The following RNF180 variants were observed in gnomAD, a reference collection of about 807,000 sequenced individuals.
RNF180 encodes the protein ring finger protein 180.
RNF180 carries 38 observed loss-of-function variants against 59.2 expected under a neutral mutation model. The ratio of observed to expected loss-of-function variants is 0.64; its 90% CI spans 0.50 to 0.84. The LOEUF is 0.84. Among genes scored for constraint, RNF180 ranks in the 40% least tolerant of loss-of-function variants. RNF180 has a pLI of 0.00. For synonymous variants in RNF180, 262 were observed against 240.3 expected (o/e 1.09, Z -0.84); for missense variants, 705 against 700.9 (o/e 1.01, Z -0.07).
chr5:64,288,077 T>C (rs1336900594), intron 5 of RNF180, among the ~76,000 whole-genome samples: 1 of 152,226 alleles, frequency 6.6e-6, no homozygotes, highest in East Asian at 1.9e-4. Context: ...TTAATTTTTG[T>C]ATAAAGTGTA....
chr5:64,217,385 C>T lies in RNF180; in HGVS notation c.1216C>T (p.Leu406=), dbSNP rs545259022. ...KQGKYSGVGL[L]DHMTLNNEMS... is the part of the protein sequence containing the mutation. ...GGGTAAATACTCAGGAGTGGGATTG[C>T]TGGATCATATGGTAAGTATATATTT... is the stretch of plus-strand genomic sequence containing the variant. The change falls in exon 5 of 8, where the codon CTG becomes TTG. Residue 406 remains leucine, a synonymous_variant. Transcript: ENST00000389100. 1.8e-4 allele frequency: 260 copies of T among 1,419,250 alleles called. 2 individuals are homozygous for T. The South Asian group carries it at 3.5e-3, about 19-fold the overall frequency. 87.9% of individuals were successfully genotyped at this position (1,419,250 alleles called of 1,614,324 possible).
At chr5:64,354,330 A>G (rs1001973200) in intron 7 of RNF180, among the ~76,000 whole-genome samples, 38 of 151,884 alleles carry the variant, frequency 2.5e-4, no homozygotes, top group African/African-American at 7.7e-4. Flanking sequence ...GCAATTATAT[A>G]CCAAAACTTA....
chr5:64,328,935 G>C (rs1487859135), intron 6 of RNF180, among the ~76,000 whole-genome samples: 1 of 152,146 alleles, frequency 6.6e-6, no homozygotes, highest in Non-Finnish European at 1.5e-5. Flanking sequence ...CTCTGCACCA[G>C]CCTAAGAGGT....
chr5:64,302,665 G>A (rs947860957), intron 5 of RNF180, among the ~76,000 whole-genome samples: 16 of 151,516 alleles, frequency 1.1e-4, no homozygotes, highest in Admixed American at 7.3e-4. Flanking sequence ...AAGCTATTTT[G>A]AAGATAGTTA....
At chr5:64,339,010 AAGTTT>A (rs1745247086) in intron 7 of RNF180, among the ~76,000 whole-genome samples, 1 of 151,758 alleles carries the variant, frequency 6.6e-6, no homozygotes, top group African/African-American at 2.4e-5. Flanking sequence ...ATTTCTTCCT[AAGTTT>A]ATATATCTTT....
rs183784160 is a variant in RNF180 at position 64,245,688 on chromosome 5, A to G, written c.1227+28292A>G. 1.6e-3 allele frequency among the ~76,000 whole-genome samples: 250 copies of G among 152,208 alleles called. 6 individuals are homozygous for G. The highest frequency in any genetic ancestry group is 0.016 in the Admixed American group (248 of 15,276). On this transcript the variant is annotated intron_variant, in intron 5 of 7. Coordinates refer to ENST00000389100, the MANE Select transcript of RNF180 (RefSeq NM_001113561.2). ...TAGAGGGAGACTTTAACACCCCACT[A>G]TCAATATTACACAGATCAACGAGAC...
chr5:64,187,677 C>G, intron 1 of RNF180, among the ~76,000 whole-genome samples: 1 of 152,136 alleles, frequency 6.6e-6, no homozygotes, highest in Non-Finnish European at 1.5e-5. Flanking sequence ...TATCTGATAT[C>G]TTTCACAAAG....
chr5:64,352,929 T>A (rs1417315532), intron 7 of RNF180, among the ~76,000 whole-genome samples: 1 of 151,946 alleles, frequency 6.6e-6, no homozygotes, highest in Non-Finnish European at 1.5e-5. Flanking sequence ...CTTCTTTTTT[T>A]ATTTTTAATC....
rs1193832420 is a variant in RNF180 at position 64,369,842 on chromosome 5, A to G, written c.*28A>G. ...ATTTCATACCTTACTACAATTGACC[A>G]ATCATAAATGATGTAAATAACAATT... is the stretch of plus-strand genomic sequence containing the variant. On this transcript the variant is annotated 3_prime_UTR_variant, in exon 8 of 8. Coordinates refer to ENST00000389100, the MANE Select transcript of RNF180 (RefSeq NM_001113561.2). The G allele has an allele frequency of 1.6e-6, 2 of 1,214,694 alleles. No homozygotes were observed. The highest frequency in any genetic ancestry group is 3.4e-5 in the Admixed American group (1 of 28,992). The allele number at this position is 1,214,694 out of a possible 1,614,324, so 75.2% of individuals were successfully genotyped here.
At chr5:64,300,344 C>T (rs1743095864) in intron 5 of RNF180, among the ~76,000 whole-genome samples, 1 of 151,782 alleles carries the variant, frequency 6.6e-6, no homozygotes, top group African/African-American at 2.4e-5. Flanking sequence ...CAGTTCCTGA[C>T]TTAACGATGG....
chr5:64,263,900 T>G (rs534243553), intron 5 of RNF180, among the ~76,000 whole-genome samples: 3 of 152,334 alleles, frequency 2.0e-5, no homozygotes, highest in African/African-American at 7.2e-5. Flanking sequence ...CTTAGTGTTT[T>G]GGGCTAATGT....
chr5:64,198,720 A>G, intron 1 of RNF180, among the ~76,000 whole-genome samples: 1 of 152,212 alleles, frequency 6.6e-6, no homozygotes, highest in Non-Finnish European at 1.5e-5. Context: ...AAAGAGGCTA[A>G]GAAGGGTAAG....
chr5:64,209,011 T>G (rs1752168247), intron 2 of RNF180, among the ~76,000 whole-genome samples: 1 of 151,924 alleles, frequency 6.6e-6, no homozygotes, highest in Admixed American at 6.6e-5. Context: ...TAGAGAAGAA[T>G]AGCAGTATCA....
intron 5 of RNF180, among the ~76,000 whole-genome samples, chr5:64,317,619 T>C (rs6871333): frequency 3.8e-4 from 41 of 106,960 alleles, no homozygotes; most frequent in African/African-American, 1.7e-3. Context: ...CACACACACA[T>C]ATATACACAC....
chr5:64,320,423 A>T (rs565223888), intron 5 of RNF180, among the ~76,000 whole-genome samples: 2 of 152,188 alleles, frequency 1.3e-5, no homozygotes, highest in African/African-American at 4.8e-5. Context: ...CTAGGAAAAC[A>T]TTCTATATTT....
intron 7 of RNF180, among the ~76,000 whole-genome samples, chr5:64,348,642 G>A (rs978962400): frequency 6.6e-6 from 1 of 151,922 alleles, no homozygotes; most frequent in African/African-American, 2.4e-5. Context: ...CTCTCAACCT[G>A]ATAAAATTTT....
At chr5:64,208,789 G>A (rs1161479467) in intron 2 of RNF180, among the ~76,000 whole-genome samples, 1 of 151,750 alleles carries the variant, frequency 6.6e-6, no homozygotes, top group East Asian at 1.9e-4. Context: ...TTTTGGTTGT[G>A]AGGAGATGAA....
intron 7 of RNF180, among the ~76,000 whole-genome samples, chr5:64,354,314 C>T (rs1402871028): frequency 6.6e-6 from 1 of 151,686 alleles, no homozygotes; most frequent in African/African-American, 2.4e-5. Flanking sequence ...TAAGAGAATA[C>T]TATAAGCAAT....
At chr5:64,215,189 A>G (rs990600320) in intron 4 of RNF180, among the ~76,000 whole-genome samples, 2 of 152,150 alleles carry the variant, frequency 1.3e-5, no homozygotes, top group Non-Finnish European at 2.9e-5. Flanking sequence ...AAAGAAAGCA[A>G]TTAAAGCCAA....
Sources: gnomAD v4.1 joint callset for allele counts (sites outside exome capture counted in the v4.1 genomes callset) on GRCh38, gnomAD v4.1.1 for gene constraint, MANE v1.5 for transcripts, NCBI Gene and HGNC (gene_info 2026-07-23, HGNC 2026-07-21) for gene names.